The following ZGRF1 variants were observed in gnomAD, a reference collection of about 807,000 sequenced individuals.
ZGRF1 encodes the protein zinc finger GRF-type containing 1, also known as 5'-3' DNA helicase ZGRF1.
A neutral mutation model predicts 203.5 loss-of-function variants in ZGRF1; 196 were observed. The observed-to-expected ratio is 0.96, with a 90% CI of 0.86 to 1.08. ZGRF1 has a LOEUF of 1.08. Ranked by LOEUF, ZGRF1 falls within the 50% of genes least tolerant of loss-of-function variation. The probability of loss-of-function intolerance (pLI) is 0.00; values close to 1 mark genes in which losing one functional copy is unlikely to be tolerated. For synonymous variants in ZGRF1, 809 were observed against 841.3 expected, an observed-to-expected ratio of 0.96 and a Z score of 0.66; for missense variants, 2,326 against 2,416.3, an observed-to-expected ratio of 0.96 and a Z score of 0.78.
intron 3 of ZGRF1, among the ~76,000 whole-genome samples, chr4:112,629,397 G>A (rs534077080): frequency 4.6e-5 from 7 of 152,322 alleles, no homozygotes; most frequent in African/African-American, 1.2e-4. Flanking sequence ...TGAGCCAGGC[G>A]CGGTGGCTTA....
At chr4:112,553,339 G>A (rs1440709916) in intron 22 of ZGRF1, among the ~76,000 whole-genome samples, 1 of 152,180 alleles carries the variant, frequency 6.6e-6, no homozygotes, top group Non-Finnish European at 1.5e-5. Flanking sequence ...TGTGTGCTTA[G>A]TCTTGGCTTC....
intron 22 of ZGRF1, among the ~76,000 whole-genome samples, chr4:112,551,045 A>T (rs1160832516): frequency 6.6e-6 from 1 of 152,154 alleles, no homozygotes; most frequent in Non-Finnish European, 1.5e-5. Context: ...TTCTACAACC[A>T]AAACTTTGTG....
At chr4:112,557,849 G>A (rs1741234111) in intron 20 of ZGRF1, among the ~76,000 whole-genome samples, 1 of 152,212 alleles carries the variant, frequency 6.6e-6, no homozygotes, top group Non-Finnish European at 1.5e-5. Flanking sequence ...GATGCTCAGG[G>A]CCGCTGGCAG....
At position 112,603,626 on chromosome 4, in the gene ZGRF1, T is replaced by G. The variant is rs1324154701; in HGVS notation, c.2874A>C (p.Ser958=). ...TSGVMVRGHS[S]QLGCSQFPDS... Reference sequence around the variant, plus strand: ...CTGGAAACTGACTGCATCCTAGCTGTGAGCTGTGTCCTCTGACCATTACAC... The same window carrying G: ...CTGGAAACTGACTGCATCCTAGCTGGGAGCTGTGTCCTCTGACCATTACAC... The change falls in exon 10 of 28, where the codon TCA becomes TCC. Residue 958 remains serine, a synonymous_variant. Coordinates refer to ENST00000505019, the MANE Select transcript of ZGRF1 (RefSeq NM_018392.5). 1 of 1,614,054 alleles carries G rather than the reference T, an allele frequency of 6.2e-7. No individual in the cohort carries two copies. Among genetic ancestry groups the G allele is most frequent in the Non-Finnish European group, 8.5e-7 (1 of 1,179,898 alleles).
rs1409300419 is a variant in ZGRF1, at chr4:112,633,241, A to G, written c.-65T>C. The G allele has an allele frequency of 3.2e-6, 4 of 1,248,734 alleles. No individual in the cohort carries two copies. In the African/African-American group the frequency reaches 6.1e-5, roughly 19 times the overall value. 77.4% of individuals were successfully genotyped at this position (1,248,734 alleles called of 1,614,324 possible). On this transcript the variant is annotated splice_region_variant and 5_prime_UTR_variant, in exon 2 of 28. Coordinates refer to ENST00000505019, the MANE Select transcript of ZGRF1 (RefSeq NM_018392.5). ...TAGGAAATATTCAACTATTTATACC[A>G]CCTAAAATTAAAAATGACATAAAAT...
At chr4:112,588,380 C>T (rs529572751) in intron 11 of ZGRF1, among the ~76,000 whole-genome samples, 34 of 152,188 alleles carry the variant, frequency 2.2e-4, no homozygotes, top group Admixed American at 6.5e-4. Context: ...TTCCCAGAGA[C>T]GGAAGCTCAT....
chr4:112,587,253 C>T (rs1193711133), intron 12 of ZGRF1, 27 bp downstream of exon 12: 2 of 1,545,106 alleles, frequency 1.3e-6, no homozygotes, highest in East Asian at 2.3e-5. Context: ...TGGAAAAATG[C>T]ACCACAAGAC....
intron 7 of ZGRF1, among the ~76,000 whole-genome samples, chr4:112,610,048 A>C (rs1751354404): frequency 6.6e-6 from 1 of 152,054 alleles, no homozygotes; most frequent in African/African-American, 2.4e-5. Context: ...CTGAGGCAGG[A>C]GAATCACTTG....
At chr4:112,613,225 T>C (rs1578447326) in intron 6 of ZGRF1, among the ~76,000 whole-genome samples, 1 of 151,870 alleles carries the variant, frequency 6.6e-6, no homozygotes, top group African/African-American at 2.4e-5. Flanking sequence ...ACTCGGGAGG[T>C]GGAGGTTGCA....
At chr4:112,622,645 A>G (rs2047100164) in intron 4 of ZGRF1, among the ~76,000 whole-genome samples, 1 of 152,084 alleles carries the variant, frequency 6.6e-6, no homozygotes, top group African/African-American at 2.4e-5. Flanking sequence ...TACATCAGAG[A>G]AGTTAGACAT....
intron 16 of ZGRF1, among the ~76,000 whole-genome samples, chr4:112,572,352 T>C (rs1042916430): frequency 6.6e-6 from 1 of 152,158 alleles, no homozygotes; most frequent in Non-Finnish European, 1.5e-5. Context: ...AAGCCACATG[T>C]GGAGGAATGA....
chr4:112,621,858 C>A (rs1179430975), intron 4 of ZGRF1, among the ~76,000 whole-genome samples: 1 of 151,148 alleles, frequency 6.6e-6, no homozygotes, highest in Non-Finnish European at 1.5e-5. Context: ...TCCCAAGCAG[C>A]TGGGATTGCA....
chr4:112,609,635 G>A (rs1000060598), intron 7 of ZGRF1, among the ~76,000 whole-genome samples: 3 of 151,268 alleles, frequency 2.0e-5, no homozygotes, highest in Non-Finnish European at 4.4e-5. Context: ...GTGAAACCCT[G>A]TCTCTACTAA....
At chr4:112,543,980 T>C (rs1237913504) in intron 24 of ZGRF1, among the ~76,000 whole-genome samples, 2 of 151,032 alleles carry the variant, frequency 1.3e-5, no homozygotes, top group East Asian at 3.9e-4. Context: ...GGAGCCACCA[T>C]GCCCAGCCCT....
In ZGRF1 at chr4:112,619,522, C is replaced by G. The variant is rs1474574523; in HGVS notation, c.520G>C (p.Ala174Pro). ...TAAGTCACAATGTTCTCAGGGTCTG[C>G]CAGTATATTATTTACATCTTTCTTG... ...VGKKDVNNIL[A>P]DPENIVTYKN... The change falls in exon 6 of 28, where the codon GCA becomes CCA. Residue 174 changes from alanine (A) to proline (P), a missense_variant. Physicochemically the swap from Ala to Pro is conservative, Grantham distance 27 (BLOSUM62 -1). Coordinates refer to ENST00000505019, the MANE Select transcript of ZGRF1 (RefSeq NM_018392.5). The G allele has an allele frequency of 6.2e-7, 1 of 1,613,882 alleles. No individual in the cohort carries two copies. Among genetic ancestry groups the G allele is most frequent in the Non-Finnish European group, 8.5e-7 (1 of 1,179,938 alleles).
chr4:112,583,830 A>G, intron 15 of ZGRF1, 148 bp downstream of exon 15: 1 of 509,764 alleles, frequency 2.0e-6, no homozygotes. Context: ...AAAAAGACTT[A>G]TTCCCATTTT....
chr4:112,607,901 A>C (rs1751008513), intron 8 of ZGRF1: 1 of 152,248 alleles, frequency 6.6e-6, no homozygotes, highest in Admixed American at 6.5e-5. Context: ...TGACTGTGCC[A>C]CTGCACTCTA....
In ZGRF1 at chr4:112,586,565, G is replaced by T; in HGVS notation, c.3796C>A (p.Leu1266Met). 1 of 1,609,898 alleles carries T rather than the reference G, an allele frequency of 6.2e-7. No homozygotes were observed. The highest frequency in any genetic ancestry group is 1.7e-4 in the Middle Eastern group (1 of 6,046). Residue 1266 changes from leucine (L) to methionine (M), a missense_variant, in exon 13 of 28, where the codon CTG becomes ATG. Leu to Met is a conservative substitution (Grantham distance 15). Coordinates refer to ENST00000505019, the MANE Select transcript of ZGRF1 (RefSeq NM_018392.5). ...KDLQEISGSELCFPSGQKIKS... is the reference protein window; with the variant it reads ...KDLQEISGSEMCFPSGQKIKS... The stretch of plus-strand genomic sequence containing the variant: ...ATTTTCTGCCCACTTGGAAAGCACA[G>T]CTCAGAGCCACTTATCTCCTGCAAT...
At chr4:112,631,836 T>C (rs1172355460) in intron 3 of ZGRF1, 94 bp downstream of exon 3, 3 of 569,454 alleles carry the variant, frequency 5.3e-6, no homozygotes, top group African/African-American at 3.8e-5. Context: ...TGTATGGATA[T>C]ATCTGACATT....
Sources: gnomAD v4.1 joint callset for allele counts (sites outside exome capture counted in the v4.1 genomes callset) on GRCh38, gnomAD v4.1.1 for gene constraint, MANE v1.5 for transcripts, NCBI Gene and HGNC (gene_info 2026-07-23, HGNC 2026-07-21) for gene names.